Variants in DGKB observed in about 807,000 individuals in gnomAD.
DGKB encodes the protein diacylglycerol kinase beta.
DGKB carries 67 observed loss-of-function variants against 114.3 expected under a neutral mutation model. The observed-to-expected ratio is 0.59, with a 90% CI of 0.48 to 0.72. DGKB has a LOEUF of 0.72. DGKB is among the 30% of genes least tolerant of loss of function. DGKB has a pLI of 0.00. For synonymous variants in DGKB, 398 were observed against 323.1 expected, an observed-to-expected ratio of 1.23 and a Z score of -2.49; for missense variants, 907 against 975.2, an observed-to-expected ratio of 0.93 and a Z score of 0.93.
chr7:14,636,746 C>A (rs1259400771), intron 13 of DGKB, among the ~76,000 whole-genome samples: 1 of 151,830 alleles, frequency 6.6e-6, no homozygotes, highest in Non-Finnish European at 1.5e-5. Flanking sequence ...TGGTTTAACC[C>A]ACAACCTTAT....
chr7:14,963,879 T>C (rs2115280179), intron 1 of DGKB, among the ~76,000 whole-genome samples: 1 of 152,250 alleles, frequency 6.6e-6, no homozygotes, highest in South Asian at 2.1e-4. Context: ...TGAATAAATA[T>C]AGCACAGATC....
chr7:14,760,531 A>C (rs1485314881), intron 2 of DGKB, among the ~76,000 whole-genome samples: 1 of 152,092 alleles, frequency 6.6e-6, no homozygotes, highest in East Asian at 1.9e-4. Context: ...ATAAGGCACT[A>C]TTCTAAGTTA....
intron 5 of DGKB, among the ~76,000 whole-genome samples, chr7:14,731,393 T>C (rs1586059426): frequency 6.6e-6 from 1 of 152,132 alleles, no homozygotes; most frequent in South Asian, 2.1e-4. Flanking sequence ...TGTTATATGA[T>C]GCAAAAAAAG....
intron 2 of DGKB, among the ~76,000 whole-genome samples, chr7:14,798,573 A>T (rs1052818875): frequency 1.1e-4 from 16 of 152,060 alleles, no homozygotes; most frequent in African/African-American, 3.6e-4. Context: ...GCAAAGGGGG[A>T]GTTTTCCCTT....
At chr7:14,754,761 GT>G (rs1385622458) in intron 3 of DGKB, among the ~76,000 whole-genome samples, 4 of 152,160 alleles carry the variant, frequency 2.6e-5, no homozygotes, top group African/African-American at 9.7e-5. Context: ...ACAAGAGTAG[GT>G]GGAGGCTAAT....
intron 4 of DGKB, among the ~76,000 whole-genome samples, chr7:14,752,397 G>C (rs916433729): frequency 6.6e-6 from 1 of 152,102 alleles, no homozygotes; most frequent in Non-Finnish European, 1.5e-5. Context: ...CTACAATACA[G>C]AGTACAAAGT....
chr7:14,801,928 A>ACG (rs1842221507), intron 2 of DGKB, among the ~76,000 whole-genome samples: 4 of 148,066 alleles, frequency 2.7e-5, no homozygotes, highest in Non-Finnish European at 6.0e-5. Context: ...ATACATATAC[A>ACG]CACACACACA....
chr7:14,649,520 G>A (rs998593495), intron 13 of DGKB, among the ~76,000 whole-genome samples: 15 of 152,026 alleles, frequency 9.9e-5, no homozygotes, highest in East Asian at 1.9e-4. Context: ...AGGAACAACC[G>A]GTACCAGTTG....
intron 14 of DGKB, among the ~76,000 whole-genome samples, chr7:14,623,638 A>G (rs929583377): frequency 2.0e-5 from 3 of 152,158 alleles, no homozygotes; most frequent in South Asian, 2.1e-4. Context: ...AAAACACTGA[A>G]TATATTTTGT....
At chr7:14,567,129 AATT>A (rs1161448114) in intron 20 of DGKB, among the ~76,000 whole-genome samples, 1 of 112,510 alleles carries the variant, frequency 8.9e-6, no homozygotes, top group Non-Finnish European at 1.7e-5. Context: ...ATAAATATAT[AATT>A]ATATGTTTAT....
intron 2 of DGKB, among the ~76,000 whole-genome samples, chr7:14,806,209 A>C (rs4721374): frequency 0.065 from 9,900 of 152,022 alleles, 479 homozygotes; most frequent in African/African-American, 0.13. Flanking sequence ...ACTTTCACTC[A>C]AAGTGCTATG....
intron 20 of DGKB, among the ~76,000 whole-genome samples, chr7:14,502,493 A>G (rs1319403118): frequency 1.3e-5 from 2 of 152,082 alleles, no homozygotes; most frequent in South Asian, 2.1e-4. Flanking sequence ...CACATGTTAC[A>G]CAATATACAA....
At position 14,849,598 on chromosome 7, in the gene DGKB, T is replaced by A. The variant is rs1849081553; in HGVS notation, c.-187-8148A>T. On this transcript the variant is annotated intron_variant, in intron 1 of 25. Transcript: ENST00000402815. ...ATTATAAATTACCCAGTATCAGTAA[T>A]TCTGTTAAGAGCAGCACAAAACGGA... 6.6e-5 allele frequency among the ~76,000 whole-genome samples: 10 copies of A among 152,138 alleles called. 1 individual carries two copies. The South Asian group carries it at 2.1e-3, about 32-fold the overall frequency.
intron 21 of DGKB, among the ~76,000 whole-genome samples, chr7:14,361,583 AGGAATTGTCATTTG>A (rs1815752677): frequency 1.3e-5 from 2 of 152,004 alleles, no homozygotes; most frequent in African/African-American, 4.8e-5. Flanking sequence ...TGACAGATGT[AGGAATTGTCATTTG>A]GGGATTAATC....
chr7:14,432,940 T>A (rs2128793994), intron 21 of DGKB, among the ~76,000 whole-genome samples: 1 of 152,058 alleles, frequency 6.6e-6, no homozygotes, highest in Middle Eastern at 3.4e-3. Flanking sequence ...GGGAAGAAAA[T>A]CAAATGCAAT....
At chr7:14,887,716 C>T (rs747540522) in intron 1 of DGKB, among the ~76,000 whole-genome samples, 5 of 151,864 alleles carry the variant, frequency 3.3e-5, no homozygotes, top group African/African-American at 4.8e-5. Context: ...GTTCCTCTTG[C>T]CCTGACTTAT....
chr7:14,659,805 T>G (rs925479311), intron 13 of DGKB, among the ~76,000 whole-genome samples: 8 of 151,242 alleles, frequency 5.3e-5, no homozygotes, highest in Non-Finnish European at 1.0e-4. Context: ...ATCCCTGTCT[T>G]GTGCCAGTTT....
At chr7:14,758,104 T>G (rs1210406700) in intron 2 of DGKB, among the ~76,000 whole-genome samples, 1 of 152,066 alleles carries the variant, frequency 6.6e-6, no homozygotes, top group African/African-American at 2.4e-5. Flanking sequence ...AATTAAAGTT[T>G]TAGTAAGTAA....
At chr7:14,604,260 T>TA (rs1189153456) in intron 17 of DGKB, among the ~76,000 whole-genome samples, 1 of 152,112 alleles carries the variant, frequency 6.6e-6, no homozygotes, top group African/African-American at 2.4e-5. Flanking sequence ...ATTTCTGTTT[T>TA]AAAAACAATT....
Sources: allele counts gnomAD v4.1 joint callset (sites outside exome capture counted in the v4.1 genomes callset), GRCh38; gene constraint gnomAD v4.1.1; transcripts MANE v1.5; gene names NCBI Gene and HGNC (gene_info 2026-07-23, HGNC 2026-07-21).